The following PHTF2 variants were observed in gnomAD, a reference collection of about 807,000 sequenced individuals.
PHTF2 encodes protein PHTF2.
PHTF2 carries 60 observed loss-of-function variants against 101.2 expected under a neutral mutation model. The ratio of observed to expected loss-of-function variants is 0.59; its 90% confidence interval spans 0.48 to 0.73. PHTF2 has a LOEUF of 0.73. Ranked by LOEUF, PHTF2 falls within the 30% of genes least tolerant of loss-of-function variation. PHTF2 has a pLI of 0.00. For synonymous variants in PHTF2, 311 were observed against 307.3 expected (o/e 1.01, Z -0.13); for missense variants, 747 against 908.7 (o/e 0.82, Z 2.29).
intron 3 of PHTF2, among the ~76,000 whole-genome samples, chr7:77,888,233 G>T (rs1287519474): frequency 6.6e-6 from 1 of 152,124 alleles, no homozygotes; most frequent in Non-Finnish European, 1.5e-5. Context: ...TCCTGCCTCA[G>T]CCTCCCAAGT....
exon 20 of PHTF2, chr7:77,957,090 A>C (rs895871153): frequency 1.3e-5 from 2 of 152,230 alleles, no homozygotes; most frequent in Non-Finnish European, 2.9e-5. Flanking sequence ...AAGAAATTGT[A>C]AAATATCACA....
intron 10 of PHTF2, 104 bp downstream of exon 9, chr7:77,920,569 A>G: frequency 1.3e-6 from 1 of 781,302 alleles, no homozygotes; most frequent in Non-Finnish European, 2.1e-6. Flanking sequence ...TTTCTCCAGA[A>G]TTAATTCTGT....
At chr7:77,936,455 T>G (rs1805138282) in intron 12 of PHTF2, among the ~76,000 whole-genome samples, 1 of 152,008 alleles carries the variant, frequency 6.6e-6, no homozygotes, top group Non-Finnish European at 1.5e-5. Flanking sequence ...GGTGGGCAGA[T>G]CACAAGTTCA....
exon 3 of PHTF2, chr7:77,854,807 G>T: frequency 1.3e-6 from 1 of 757,938 alleles, no homozygotes; most frequent in East Asian, 2.4e-5. Context: ...GTTCACTCAA[G>T]GACCAAGGGC....
At chr7:77,846,271 A>T (rs1301775169) in intron 2 of PHTF2, among the ~76,000 whole-genome samples, 1 of 152,178 alleles carries the variant, frequency 6.6e-6, no homozygotes, top group East Asian at 1.9e-4. Context: ...CAATCATGGC[A>T]TTCTGTTTCC....
chr7:77,838,598 A>C (rs1057337381), intron 1 of PHTF2, among the ~76,000 whole-genome samples: 2 of 152,116 alleles, frequency 1.3e-5, no homozygotes, highest in Admixed American at 1.3e-4. Context: ...GGCATCTTAT[A>C]TATATTATTT....
chr7:77,818,729 C>A (rs568783311), intron 1 of PHTF2, among the ~76,000 whole-genome samples: 20 of 152,260 alleles, frequency 1.3e-4, no homozygotes, highest in African/African-American at 4.6e-4. Flanking sequence ...TTCAGCTATT[C>A]AGAGGCTTTT....
Position 77,817,509 on chromosome 7 carries a change from C to G in PHTF2, c.-36+18538C>G, listed in dbSNP as rs369083524. Among the ~76,000 whole-genome samples, 26 of 152,268 alleles carry G rather than the reference C, an allele frequency of 1.7e-4. 1 individual carries two copies. The East Asian group carries it at 5.0e-3, about 29-fold the overall frequency. On this transcript the variant is annotated intron_variant, in intron 1 of 19. Coordinates refer to ENST00000416283, the Ensembl canonical transcript of PHTF2. ...AGGAGAGAGAAGAATGAGAACCAAG[C>G]AAAGGGTGAAGCCCTTTATGAAACC...
chr7:77,897,362 T>C (rs1366338627), intron 5 of PHTF2, among the ~76,000 whole-genome samples: 1 of 150,864 alleles, frequency 6.6e-6, no homozygotes, highest in Non-Finnish European at 1.5e-5. Flanking sequence ...TAAAAAACTT[T>C]ATACTACTGT....
chr7:77,914,622 T>C (rs893378436), intron 9 of PHTF2, among the ~76,000 whole-genome samples: 4 of 152,158 alleles, frequency 2.6e-5, no homozygotes, highest in African/African-American at 9.7e-5. Context: ...AGATTTTTTT[T>C]CTCAGAGAAT....
At chr7:77,931,433 G>A (rs1584748637) in intron 12 of PHTF2, among the ~76,000 whole-genome samples, 1 of 152,288 alleles carries the variant, frequency 6.6e-6, no homozygotes, top group South Asian at 2.1e-4. Flanking sequence ...AAAATAAAAG[G>A]ATGTGAACAG....
intron 9 of PHTF2, among the ~76,000 whole-genome samples, chr7:77,915,548 G>T (rs1336241063): frequency 1.3e-5 from 2 of 152,094 alleles, no homozygotes; most frequent in African/African-American, 4.8e-5. Flanking sequence ...TTGGTAAAAA[G>T]CTTTTCAAAA....
intron 7 of PHTF2, chr7:77,907,892 G>T (rs763933136): frequency 2.6e-5 from 4 of 152,100 alleles, no homozygotes; most frequent in African/African-American, 4.8e-5. Flanking sequence ...GCTGGATTGA[G>T]AGGCTCGGAT....
exon 14 of PHTF2, chr7:77,940,037 G>A: frequency 6.2e-7 from 1 of 1,611,622 alleles, no homozygotes; most frequent in Non-Finnish European, 8.5e-7. Flanking sequence ...AAGGTGAACA[G>A]CCATATACCA....
intron 11 of PHTF2, among the ~76,000 whole-genome samples, chr7:77,927,177 A>AT (rs1462222536): frequency 2.6e-4 from 20 of 78,140 alleles, no homozygotes; most frequent in Admixed American, 3.7e-4. Flanking sequence ...AAAAAAAAAA[A>AT]ATATATATAT....
chr7:77,872,644 G>C (rs1323672555), intron 3 of PHTF2, among the ~76,000 whole-genome samples: 5 of 152,148 alleles, frequency 3.3e-5, no homozygotes, highest in Non-Finnish European at 1.5e-5. Context: ...ACTTCCCACT[G>C]TTAGACCTGA....
Position 77,947,837 on chromosome 7 carries a change from C to CTTTTT in PHTF2, c.1960-1827_1960-1823dup, listed in dbSNP as rs71082798. Reference sequence around the variant, plus strand: ...TTATTTTCTTTTTTCTTTTTTCTTTCTTTTTTTTTTTTTTTTTTGAGACAG... The same window carrying CTTTTT: ...TTATTTTCTTTTTTCTTTTTTCTTTCTTTTTTTTTTTTTTTTTTTTTTTGAGACAG... On this transcript the variant is annotated intron_variant, in intron 16 of 19. Coordinates refer to ENST00000416283, the Ensembl canonical transcript of PHTF2. 3.7e-3 allele frequency among the ~76,000 whole-genome samples: 273 copies of CTTTTT among 73,788 alleles called. 32 individuals carry two copies. Among genetic ancestry groups the CTTTTT allele is most frequent in the African/African-American group, 0.013 (232 of 17,466 alleles). 48.4% of individuals were successfully genotyped at this position (73,788 alleles called of 152,430 possible).
chr7:77,945,600 A>T (rs1316745857), intron 16 of PHTF2, among the ~76,000 whole-genome samples: 1 of 152,198 alleles, frequency 6.6e-6, no homozygotes, highest in Non-Finnish European at 1.5e-5. Context: ...TTAAAACCAT[A>T]CAAATAATAC....
At position 77,901,929 on chromosome 7, in the gene PHTF2, A is replaced by C. The variant is rs1389497109; in HGVS notation, c.445+9A>C. 1 of 1,537,792 alleles carries C rather than the reference A, an allele frequency of 6.5e-7. No individual in the cohort carries two copies. Among genetic ancestry groups the C allele is most frequent in the Non-Finnish European group, 8.8e-7 (1 of 1,140,612 alleles). On this transcript the variant is annotated intron_variant, in intron 7 of 19. Transcript: ENST00000416283. The stretch of plus-strand genomic sequence containing the variant: ...CCTTTATCTTCTTCAAGGTATAATT[A>C]AGTGATTTTTGCTTTTACTTTTCAG...
Sources: allele counts gnomAD v4.1 joint callset (sites outside exome capture counted in the v4.1 genomes callset), GRCh38; gene constraint gnomAD v4.1.1; transcripts MANE v1.5; gene names NCBI Gene and HGNC (gene_info 2026-07-23, HGNC 2026-07-21).